The following FCN3 variants were observed in gnomAD, a reference collection of about 807,000 sequenced individuals.
FCN3 encodes the protein ficolin-3.
A neutral mutation model predicts 31.5 loss-of-function variants in FCN3; 28 were observed. The observed-to-expected ratio is 0.89, with a 90% CI of 0.66 to 1.22. The LOEUF is 1.22. Among genes scored for constraint, FCN3 ranks in the 50% most tolerant of loss-of-function variants. The pLI is 0.00. For missense variants in FCN3, 351 were observed against 386.8 expected, an observed-to-expected ratio of 0.91 and a Z score of 0.78; for synonymous variants, 124 against 147.4, an observed-to-expected ratio of 0.84 and a Z score of 1.15.
At chr1:27,373,795 G>A (rs2016196406) in intron 3 of FCN3, 170 bp downstream of exon 3, 1 of 691,232 alleles carries the variant, frequency 1.4e-6, no homozygotes, top group African/African-American at 1.8e-5. Context: ...CCCAATAGGA[G>A]GGCCATCATA....
chr1:27,369,795 C>G (rs2016109422), intron 7 of FCN3, among the ~76,000 whole-genome samples: 1 of 151,846 alleles, frequency 6.6e-6, no homozygotes, highest in African/African-American at 2.4e-5. Context: ...CTAGGAAAAG[C>G]TGGGAGGAAC....
At chr1:27,372,044 A>G (rs985085548) in intron 5 of FCN3, among the ~76,000 whole-genome samples, 1 of 151,932 alleles carries the variant, frequency 6.6e-6, no homozygotes, top group African/African-American at 2.4e-5. Flanking sequence ...TACAGGTGTG[A>G]GCTACTGTGT....
Position 27,373,208 on chromosome 1 carries a change from G to C in FCN3, c.321C>G (p.Tyr107Ter). ...CCCTGCCCTCAGGTAGGCACAGATG[G>C]TACCAGCCGCTCAAGGTGGCGCCCT... The part of the protein sequence containing the change: ...LSQGATLSGW[Y>*]HLCLPEGRAL... Residue 107 changes from tyrosine (Y) to a stop codon, truncating the protein, a stop_gained, in exon 5 of 8, where the codon TAC (tyrosine) becomes TAG (stop). Transcript: ENST00000270879. LOFTEE classifies it high-confidence loss of function. 6.2e-7 allele frequency: 1 copy of C among 1,614,080 alleles called. No homozygotes were observed. The highest frequency in any genetic ancestry group is 8.5e-7 in the Non-Finnish European group (1 of 1,180,012).
At chr1:27,370,516 C>A in intron 7 of FCN3, 80 bp downstream of exon 7, 1 of 1,260,276 alleles carries the variant, frequency 7.9e-7, no homozygotes, top group East Asian at 2.3e-5. Flanking sequence ...GACAGGATTG[C>A]CCTGGGTCAT....
Position 27,374,775 on chromosome 1 carries a change from A to G in FCN3, c.44T>C (p.Leu15Pro). The G allele has an allele frequency of 7.2e-7, 1 of 1,390,560 alleles. No individual in the cohort carries two copies. Among genetic ancestry groups the G allele is most frequent in the Non-Finnish European group, 9.4e-7 (1 of 1,066,948 alleles). 86.1% of individuals were successfully genotyped at this position (1,390,560 alleles called of 1,614,324 possible). A position where few individuals can be genotyped will look rare whatever the true frequency, so the allele number is the denominator to read the frequency against. The change falls in exon 1 of 8, where the codon CTT (leucine) becomes CCT (proline). Residue 15 changes from leucine (L) to proline (P), a missense_variant. By Grantham distance (98) the Leu-to-Pro change is moderately conservative (BLOSUM62 -3). Transcript: ENST00000270879. ...GGTCTTCAGGCAGGCAGGCCCCCCA[A>G]GCAGGAGAAGCCACAGGGAGGGCAG... is the stretch of plus-strand genomic sequence containing the variant. ...WILPSLWLLL[L>P]GGPACLKTQE...
chr1:27,373,422 TG>T, intron 4 of FCN3, 65 bp downstream of exon 4: 2 of 1,603,464 alleles, frequency 1.2e-6, no homozygotes, highest in Non-Finnish European at 1.7e-6. Context: ...TGGCCACACT[TG>T]GGGGTCTGCC....
In FCN3 at chr1:27,370,842, C is replaced by T; in HGVS notation, c.523+1G>A. The T allele has an allele frequency of 6.2e-7, 1 of 1,614,026 alleles. No homozygotes were observed. Among genetic ancestry groups the T allele is most frequent in the South Asian group, 1.1e-5 (1 of 91,064 alleles). On this transcript the variant is annotated splice_donor_variant, in intron 6 of 7. Coordinates refer to ENST00000270879, the MANE Select transcript of FCN3 (RefSeq NM_003665.4). LOFTEE classifies it high-confidence loss of function. Reference sequence around the variant, plus strand: ...ACTCCAGGACCCTGCTGGGAACTCACCCTGGAGAGTAAGCTGGTGCAAATT... The same window carrying T: ...ACTCCAGGACCCTGCTGGGAACTCATCCTGGAGAGTAAGCTGGTGCAAATT...
At chr1:27,370,266 C>T (rs1265804570) in intron 7 of FCN3, among the ~76,000 whole-genome samples, 2 of 152,074 alleles carry the variant, frequency 1.3e-5, no homozygotes, top group African/African-American at 4.8e-5. Context: ...GCCTCGGCCT[C>T]CCAGAGTGCT....
At chr1:27,371,654 CCTTACCCTGATGT>C (rs2016148145) in intron 5 of FCN3, among the ~76,000 whole-genome samples, 1 of 152,252 alleles carries the variant, frequency 6.6e-6, no homozygotes, top group Non-Finnish European at 1.5e-5. Flanking sequence ...GGACCCCTGG[CCTTACCCTGATGT>C]CTTCCACCTC....
At chr1:27,373,746 C>A in intron 3 of FCN3, 3 of 644,784 alleles carry the variant, frequency 4.7e-6, no homozygotes, top group Non-Finnish European at 8.1e-6. Context: ...GTACCCAGGC[C>A]CTTCTCCTAA....
chr1:27,373,825 C>G (rs948509774), intron 3 of FCN3, 140 bp downstream of exon 3: 61 of 805,938 alleles, frequency 7.6e-5, no homozygotes, highest in Non-Finnish European at 1.0e-5. Context: ...GGCCCTTCTC[C>G]TAATCCTTCC....
chr1:27,369,162 G>A lies in FCN3; in HGVS notation c.*74C>T. The A allele has an allele frequency of 6.4e-7, 1 of 1,566,350 alleles. No homozygotes were observed. The highest frequency in any genetic ancestry group is 8.8e-7 in the Non-Finnish European group (1 of 1,141,458). ...TAAATGTGGACAGGCAAGCAGAGGT[G>A]GTTGGCAAAGGCAAGGTGGCTGACG... On this transcript the variant is annotated 3_prime_UTR_variant, in exon 8 of 8. Transcript: ENST00000270879.
chr1:27,371,922 G>C (rs1286835641), intron 5 of FCN3, among the ~76,000 whole-genome samples: 4 of 152,046 alleles, frequency 2.6e-5, no homozygotes. Flanking sequence ...ACCACGCCCA[G>C]CTAATTTTTT....
At chr1:27,372,844 C>G (rs1302526537) in intron 5 of FCN3, among the ~76,000 whole-genome samples, 1 of 133,160 alleles carries the variant, frequency 7.5e-6, no homozygotes, top group African/African-American at 2.8e-5. Flanking sequence ...ATGGCAAGAA[C>G]TCGGCTCACT....
chr1:27,370,718 A>G lies in FCN3; in HGVS notation c.536T>C (p.Leu179Pro). Residue 179 changes from leucine (L) to proline (P), a missense_variant, in exon 7 of 8, where the codon CTG becomes CCG. Physicochemically the swap from Leu to Pro is moderately conservative, Grantham distance 98. Transcript: ENST00000270879. ...HQLTLQGNWE[L>P]RVELEDFNGN... Reference sequence around the variant, plus strand: ...ATTAAAGTCTTCCAGCTCTACCCGCAGCTCCCAGTTACCTGGAAAGAAGGG... The same window carrying G: ...ATTAAAGTCTTCCAGCTCTACCCGCGGCTCCCAGTTACCTGGAAAGAAGGG... 1 of 1,614,172 alleles carries G rather than the reference A, an allele frequency of 6.2e-7. No individual in the cohort carries two copies. The highest frequency in any genetic ancestry group is 8.5e-7 in the Non-Finnish European group (1 of 1,180,010).
Position 27,373,242 on chromosome 1 carries a change from A to G in FCN3, c.287T>C (p.Leu96Pro). 1 of 1,614,046 alleles carries G rather than the reference A, an allele frequency of 6.2e-7. No individual in the cohort carries two copies. The highest frequency in any genetic ancestry group is 1.1e-5 in the South Asian group (1 of 91,082). Reference protein sequence around the residue: ...CQEGPRNCRELLSQGATLSGW... With the variant: ...CQEGPRNCREPLSQGATLSGW... ...GCTCAAGGTGGCGCCCTGGCTCAAC[A>G]GCTCCCGGCAGTTTCTGGGGCCTGG... The change falls in exon 5 of 8, where the codon CTG becomes CCG. Residue 96 changes from leucine to proline, a missense_variant. By Grantham distance (98) the Leu-to-Pro change is moderately conservative. Coordinates refer to ENST00000270879, the MANE Select transcript of FCN3 (RefSeq NM_003665.4).
At chr1:27,371,251 G>C (rs2016140579) in intron 5 of FCN3, among the ~76,000 whole-genome samples, 1 of 152,170 alleles carries the variant, frequency 6.6e-6, no homozygotes, top group African/African-American at 2.4e-5. Flanking sequence ...CAGCGCTGCT[G>C]GGTGTCAGTC....
chr1:27,373,507 G>C lies in FCN3; in HGVS notation c.246C>G (p.Asn82Lys). The C allele has an allele frequency of 6.2e-7, 1 of 1,614,070 alleles. No individual in the cohort carries two copies. The highest frequency in any genetic ancestry group is 1.1e-5 in the South Asian group (1 of 91,076). The part of the protein sequence containing the change: ...GPKGEPGDPV[N>K]LLRCQEGPRN... Reference sequence around the variant, plus strand: ...CCTCACCTTCCTGGCACCGGAGCAGGTTCACTGGATCTCCTGCCCCAGAGA... The same window carrying C: ...CCTCACCTTCCTGGCACCGGAGCAGCTTCACTGGATCTCCTGCCCCAGAGA... Residue 82 changes from asparagine (N) to lysine (K), a missense_variant, in exon 4 of 8, where the codon AAC becomes AAG. Coordinates refer to ENST00000270879, the MANE Select transcript of FCN3 (RefSeq NM_003665.4).
At position 27,374,810 on chromosome 1, in the gene FCN3, T is replaced by C. The variant is rs147142056; in HGVS notation, c.9A>G (p.Leu3=). 6.9e-4 allele frequency: 930 copies of C among 1,355,940 alleles called. 4 individuals are homozygous for C. Among genetic ancestry groups the C allele is most frequent in the South Asian group, 5.5e-3 (229 of 41,702 alleles). The allele number at this position is 1,355,940 out of a possible 1,614,324, so 84.0% of individuals were successfully genotyped here. MD[L]LWILPSLWLL... is the part of the protein sequence containing the mutation. ...GCCACAGGGAGGGCAGGATCCACAG[T>C]AGATCCATCTTGCTGGGCCCACCAG... is the stretch of plus-strand genomic sequence containing the variant. Residue 3 remains leucine (L), a synonymous_variant, in exon 1 of 8, where the codon CTA becomes CTG. Transcript: ENST00000270879.
Sources: allele counts gnomAD v4.1 joint callset (sites outside exome capture counted in the v4.1 genomes callset), GRCh38; gene constraint gnomAD v4.1.1; transcripts MANE v1.5; gene names NCBI Gene and HGNC (gene_info 2026-07-23, HGNC 2026-07-21).